Variants in AIG1 observed in about 807,000 individuals in gnomAD.
AIG1 encodes the protein androgen induced 1.
A neutral mutation model predicts 31.4 loss-of-function variants in AIG1; 23 were observed. The ratio of observed to expected loss-of-function variants is 0.73; its 90% CI spans 0.53 to 1.04. The LOEUF (loss-of-function observed/expected upper bound fraction) is 1.04, where lower values mean the gene tolerates loss of function less well. AIG1 is among the 50% of genes least tolerant of loss of function. The pLI is 0.00. For missense variants in AIG1, 274 were observed against 295.0 expected, an observed-to-expected ratio of 0.93 and a Z score of 0.52; for synonymous variants, 100 against 110.5, an observed-to-expected ratio of 0.90 and a Z score of 0.60.
chr6:143,343,100 CT>C, downstream of AIG1: 1 of 772,084 alleles, frequency 1.3e-6, no homozygotes, highest in Non-Finnish European at 2.4e-6. Flanking sequence ...ATCCTCGCAG[CT>C]GTCCGCACTA....
At chr6:143,324,642 C>T (rs886420856) in intron 4 of AIG1, among the ~76,000 whole-genome samples, 1 of 152,158 alleles carries the variant, frequency 6.6e-6, no homozygotes, top group African/African-American at 2.4e-5. Context: ...GGTACTAATA[C>T]AATACCTTCT....
At chr6:143,202,629 C>T (rs147182138) in intron 3 of AIG1, among the ~76,000 whole-genome samples, 2 of 152,192 alleles carry the variant, frequency 1.3e-5, no homozygotes, top group Non-Finnish European at 1.5e-5. Flanking sequence ...TAGCTGCTGG[C>T]GGGAGGAGAA....
intron 1 of AIG1, among the ~76,000 whole-genome samples, chr6:143,078,114 C>T (rs1276685732): frequency 6.6e-6 from 1 of 152,176 alleles, no homozygotes; most frequent in East Asian, 1.9e-4. Flanking sequence ...TCTTCAAATT[C>T]ACTGACTCTT....
chr6:143,332,490 T>A (rs1777157420), intron 4 of AIG1, among the ~76,000 whole-genome samples: 1 of 152,072 alleles, frequency 6.6e-6, no homozygotes, highest in South Asian at 2.1e-4. Flanking sequence ...AATGATTAAG[T>A]AAGAATGTAA....
In AIG1 at chr6:143,188,865, A is replaced by T. The variant is rs113336072; in HGVS notation, c.399+23682A>T. 604 of 985,290 alleles carry T rather than the reference A, an allele frequency of 6.1e-4. 6 individuals are homozygous for T. In the African/African-American group the frequency reaches 9.9e-3, roughly 16 times the overall value. 61.0% of individuals were successfully genotyped at this position (985,290 alleles called of 1,614,324 possible). On this transcript the variant is annotated intron_variant, in intron 3 of 5. Coordinates refer to ENST00000357847, the MANE Select transcript of AIG1 (RefSeq NM_016108.4). ...CACTGCCTGGGATTTTTCAATAAGAAATTTGGCATTTCTGTAAATTTAAAG... is the reference window on the plus strand; with the variant it reads ...CACTGCCTGGGATTTTTCAATAAGATATTTGGCATTTCTGTAAATTTAAAG...
In AIG1 at chr6:143,060,989, T is replaced by C. The variant is rs1479474494; in HGVS notation, c.64T>C (p.Cys22Arg). 2.5e-6 allele frequency: 4 copies of C among 1,613,336 alleles called. No individual in the cohort carries two copies. The highest frequency in any genetic ancestry group is 8.5e-7 in the Non-Finnish European group (1 of 1,179,802). The change falls in exon 1 of 6, where the codon TGT becomes CGT. Residue 22 changes from cysteine (C) to arginine (R), a missense_variant. Cys to Arg is a radical substitution (Grantham distance 180). This residue lies in a region of AIG1 where 243 missense variants were observed against 238.5 expected (regional missense o/e 1.02). Coordinates refer to ENST00000357847, the MANE Select transcript of AIG1 (RefSeq NM_016108.4). ...CCTGCTGTCTTACTGCTCTATCCTG[T>C]GTAACTACAAGGCCATCGAAATGCC... ...AILLSYCSIL[C>R]NYKAIEMPSH...
rs1021802511 is a variant in AIG1, at chr6:143,299,334, C to T, written c.515+15109C>T. On this transcript the variant is annotated intron_variant, in intron 4 of 5. Transcript: ENST00000357847. This position sits in a 1 kb window ranked among gnomAD's most constrained non-coding sequence, Gnocchi z 4.1. ...TCTTCCAAGTCTCAGCTAGCAGAGT[C>T]GAGAAATAGCATGACATAGGGCAGG... The T allele has an allele frequency of 6.6e-6, 1 of 152,170 alleles. No individual in the cohort carries two copies. The highest frequency in any genetic ancestry group is 2.4e-5 in the African/African-American group (1 of 41,440). The allele number at this position is 152,170 out of a possible 1,614,324, so 9.4% of individuals were successfully genotyped here. A position where few individuals can be genotyped will look rare whatever the true frequency, so the allele number is the denominator to read the frequency against.
chr6:143,176,166 G>C (rs1315301870), intron 3 of AIG1, among the ~76,000 whole-genome samples: 1 of 152,208 alleles, frequency 6.6e-6, no homozygotes, highest in South Asian at 2.1e-4. Context: ...CTGTCTCCAG[G>C]TCCCTCAGCC....
At chr6:143,265,418 T>C (rs1264773903) in intron 3 of AIG1, among the ~76,000 whole-genome samples, 1 of 152,230 alleles carries the variant, frequency 6.6e-6, no homozygotes, top group Non-Finnish European at 1.5e-5. Context: ...TGCATTGCCT[T>C]GATCCCTGGC....
At position 143,329,414 on chromosome 6, in the gene AIG1, C is replaced by T. The variant is rs541437121; in HGVS notation, c.516-3868C>T. Among the ~76,000 whole-genome samples, 31 of 152,336 alleles carry T rather than the reference C, an allele frequency of 2.0e-4. No individual in the cohort carries two copies. Among genetic ancestry groups the T allele is most frequent in the Non-Finnish European group, 2.5e-4 (17 of 68,038 alleles). On this transcript the variant is annotated intron_variant, in intron 4 of 5. Transcript: ENST00000357847. The surrounding 1 kb of genome is among the most constrained non-coding windows in gnomAD (Gnocchi z 4.9). ...ACATCTCATGTTTATAAGCACCACA[C>T]TCAGAAGAGCTGTCTGCTTCTCTGC...
intron 3 of AIG1, among the ~76,000 whole-genome samples, chr6:143,252,160 C>T (rs1795052169): frequency 6.6e-6 from 1 of 152,126 alleles, no homozygotes; most frequent in South Asian, 2.1e-4. Context: ...ACTCTTGTTG[C>T]CCAGGCTGGA....
At chr6:143,100,679 A>C (rs1780184792) in intron 1 of AIG1, among the ~76,000 whole-genome samples, 1 of 150,982 alleles carries the variant, frequency 6.6e-6, no homozygotes, top group Non-Finnish European at 1.5e-5. Context: ...GTCATACTTA[A>C]AGTTTATTCT....
chr6:143,264,340 T>G (rs1387524088), intron 3 of AIG1, among the ~76,000 whole-genome samples: 1 of 152,216 alleles, frequency 6.6e-6, no homozygotes, highest in African/African-American at 2.4e-5. Flanking sequence ...CAGTAACTTG[T>G]GGGGCAGTGG....
At chr6:143,152,775 C>T (rs1164232295) in intron 2 of AIG1, among the ~76,000 whole-genome samples, 1 of 152,200 alleles carries the variant, frequency 6.6e-6, no homozygotes, top group African/African-American at 2.4e-5. Flanking sequence ...ACACCCTACC[C>T]TCTCACAATG....
chr6:143,166,626 A>G (rs1048949156), intron 3 of AIG1, among the ~76,000 whole-genome samples: 10 of 152,354 alleles, frequency 6.6e-5, no homozygotes, highest in African/African-American at 2.2e-4. Flanking sequence ...CACTTCGCCC[A>G]GTTGTCTGGC....
At chr6:143,196,606 T>C (rs1790264377) in intron 3 of AIG1, among the ~76,000 whole-genome samples, 1 of 152,170 alleles carries the variant, frequency 6.6e-6, no homozygotes, top group Non-Finnish European at 1.5e-5. Context: ...GGAGAAATGG[T>C]TCTCTGACCA....
chr6:143,073,169 A>G (rs1344151578), intron 1 of AIG1, among the ~76,000 whole-genome samples: 2 of 152,180 alleles, frequency 1.3e-5, no homozygotes, highest in Admixed American at 6.5e-5. Context: ...ACTTAGCATC[A>G]TGTCCTCTAG....
chr6:143,166,380 A>G (rs1017633923), intron 3 of AIG1, among the ~76,000 whole-genome samples: 1 of 152,180 alleles, frequency 6.6e-6, no homozygotes, highest in African/African-American at 2.4e-5. Flanking sequence ...TGTGAAAAGC[A>G]TGTCGTAACT....
intron 3 of AIG1, among the ~76,000 whole-genome samples, chr6:143,270,059 G>A (rs535662405): frequency 2.0e-5 from 3 of 152,302 alleles, no homozygotes; most frequent in East Asian, 3.9e-4. Context: ...GTGACATCAC[G>A]GATGTAGACA....
Sources: gnomAD v4.1 joint callset for allele counts (sites outside exome capture counted in the v4.1 genomes callset) on GRCh38, gnomAD v4.1.1 for gene constraint, gnomAD v4.1.1 regional missense constraint, Gnocchi (gnomAD v3.1) non-coding constraint, MANE v1.5 for transcripts, NCBI Gene and HGNC (gene_info 2026-07-23, HGNC 2026-07-21) for gene names.